DMD: variants seen among roughly 807,000 people sequenced by gnomAD.
DMD encodes the protein mutant dystrophin.
In DMD, 63 loss-of-function variants were observed where a neutral mutation model predicts 330.1. The observed-to-expected ratio is 0.19, with a 90% CI of 0.16 to 0.24. The LOEUF (loss-of-function observed/expected upper bound fraction) is 0.24. Among genes scored for constraint, DMD ranks in the 10% least tolerant of loss-of-function variants. The probability of loss-of-function intolerance (pLI) is 1.00; values close to 1 mark genes in which losing one functional copy is unlikely to be tolerated. For synonymous variants in DMD, 1,223 were observed against 959.8 expected (o/e 1.27, Z -5.07); for missense variants, 3,344 against 2,684.1 (o/e 1.25, Z -5.43).
chrX:32,037,842 C>T (rs1253603953), intron 44 of DMD, among the ~76,000 whole-genome samples: 1 of 111,751 alleles, frequency 8.9e-6, no homozygotes, highest in Non-Finnish European at 1.9e-5. Context: ...AGTGTATATT[C>T]ATATATGGAA....
chrX:32,670,211 C>A (rs1345998203), intron 9 of DMD, among the ~76,000 whole-genome samples: 1 of 111,738 alleles, frequency 8.9e-6, no homozygotes, highest in African/African-American at 3.2e-5. Flanking sequence ...TCTGTCTCCT[C>A]TCTAGTGCAT....
chrX:31,473,711 C>CAAAAA (rs55752684), intron 59 of DMD, among the ~76,000 whole-genome samples: 12 of 40,139 alleles, frequency 3.0e-4, no homozygotes, highest in East Asian at 8.8e-4. Context: ...GACTCTGTCT[C>CAAAAA]AAAAAAAAAA....
chrX:31,654,726 T>C (rs763062622), intron 54 of DMD, among the ~76,000 whole-genome samples: 2 of 110,227 alleles, frequency 1.8e-5, no homozygotes, highest in South Asian at 7.8e-4. Context: ...CATGGACACG[T>C]AGAGGGGAAC....
chrX:33,053,907 A>G lies in DMD; in HGVS notation c.32-33707T>C, dbSNP rs142220056. On this transcript the variant is annotated intron_variant, in intron 1 of 78. Transcript: ENST00000357033. ...ATGTAAAGAGATAGTGCAGAGGCCAATTAATGGAGAGATTGGTAGAGCATC... is the reference window on the plus strand; with the variant it reads ...ATGTAAAGAGATAGTGCAGAGGCCAGTTAATGGAGAGATTGGTAGAGCATC... 5.4e-3 allele frequency among the ~76,000 whole-genome samples: 598 copies of G among 111,747 alleles called. 7 individuals are homozygous for G. Among genetic ancestry groups the G allele is most frequent in the African/African-American group, 0.018 (560 of 30,709 alleles).
intron 2 of DMD, among the ~76,000 whole-genome samples, chrX:32,892,463 G>C (rs1034752302): frequency 1.8e-5 from 2 of 111,723 alleles, no homozygotes; most frequent in African/African-American, 6.5e-5. Flanking sequence ...GTGCGATCTC[G>C]GCTCACTGCA....
At chrX:32,823,440 G>T in intron 4 of DMD, 53 bp from the exon 5 acceptor site, 2 of 787,162 alleles carry the variant, frequency 2.5e-6, no homozygotes, top group South Asian at 4.2e-5. Flanking sequence ...ATGCCTAGTT[G>T]CAATAATAAT....
intron 1 of DMD, among the ~76,000 whole-genome samples, chrX:33,283,942 C>T (rs1011504081): frequency 9.1e-6 from 1 of 110,117 alleles, no homozygotes; most frequent in African/African-American, 3.3e-5. Context: ...GGCGTGAACC[C>T]GGGAGGCGGA....
chrX:32,841,769 A>C (rs1426810799), intron 4 of DMD, among the ~76,000 whole-genome samples: 2 of 112,271 alleles, frequency 1.8e-5, no homozygotes, highest in African/African-American at 6.5e-5. Flanking sequence ...ATATAGTATC[A>C]TAATGGCTTT....
At chrX:31,289,549 C>T (rs1466245329) in intron 62 of DMD, among the ~76,000 whole-genome samples, 5 of 110,651 alleles carry the variant, frequency 4.5e-5, no homozygotes, top group African/African-American at 1.6e-4. Flanking sequence ...TGAGCTGTCT[C>T]CTCTATGAAC....
At chrX:32,644,411 T>C in intron 10 of DMD, 98 bp from the exon 11 acceptor site, 1 of 919,751 alleles carries the variant, frequency 1.1e-6, no homozygotes, top group Non-Finnish European at 1.5e-6. Context: ...TGTGGCCCAT[T>C]TAGATTTATA....
At chrX:31,157,660 G>A (rs1034148024) in intron 74 of DMD, among the ~76,000 whole-genome samples, 3 of 111,267 alleles carry the variant, frequency 2.7e-5, no homozygotes, top group Admixed American at 1.9e-4. Context: ...TCCCTCATGC[G>A]TAGTTAGACT....
chrX:32,451,637 A>AG (rs34824751), intron 26 of DMD, among the ~76,000 whole-genome samples: 6 of 107,958 alleles, frequency 5.6e-5, no homozygotes, highest in East Asian at 6.0e-4. Flanking sequence ...CATAAACAGA[A>AG]GGGGGGGTCT....
chrX:33,045,687 T>C (rs1393704401), intron 1 of DMD, among the ~76,000 whole-genome samples: 2 of 110,938 alleles, frequency 1.8e-5, no homozygotes, highest in Non-Finnish European at 3.8e-5. Flanking sequence ...CACACACACC[T>C]TTTCAAATAA....
rs145765368 is a variant in DMD, at chrX:32,546,643, A to G, written c.1993-1309T>C. ...TTTTGTTAAAGACATATCTTTACCTATGTGAGGGACTGAAGGATTTCCATT... is the reference window on the plus strand; with the variant it reads ...TTTTGTTAAAGACATATCTTTACCTGTGTGAGGGACTGAAGGATTTCCATT... On this transcript the variant is annotated intron_variant, in intron 16 of 78. Coordinates refer to ENST00000357033, the MANE Select transcript of DMD (RefSeq NM_004006.3). 6.7e-3 allele frequency among the ~76,000 whole-genome samples: 753 copies of G among 111,818 alleles called. 7 individuals carry two copies. Among genetic ancestry groups the G allele is most frequent in the African/African-American group, 0.023 (725 of 30,866 alleles).
At chrX:32,779,403 CCT>C (rs1176109443) in intron 7 of DMD, among the ~76,000 whole-genome samples, 1 of 110,404 alleles carries the variant, frequency 9.1e-6, no homozygotes, top group African/African-American at 3.3e-5. Flanking sequence ...TCGCACATTC[CCT>C]TTTTCATGAG....
Position 32,833,016 on chromosome X carries a change from AT to A in DMD, c.265-9630del, listed in dbSNP as rs1187939325. On this transcript the variant is annotated intron_variant, in intron 4 of 78. Coordinates refer to ENST00000357033, the MANE Select transcript of DMD (RefSeq NM_004006.3). Reference sequence around the variant, plus strand: ...TTAATTCTGGGTACTCACTACAAAGATACTATCTCTACCTTCAATGATTAAG... The same window carrying A: ...TTAATTCTGGGTACTCACTACAAAGAACTATCTCTACCTTCAATGATTAAG... Among the ~76,000 whole-genome samples the A allele has an allele frequency of 2.7e-5, 3 of 111,781 alleles. No individual in the cohort carries two copies. In the Admixed American group the frequency reaches 2.9e-4, roughly 11 times the overall value.
intron 25 of DMD, among the ~76,000 whole-genome samples, chrX:32,461,919 A>G (rs73619094): frequency 0.066 from 7,279 of 110,696 alleles, 639 homozygotes; most frequent in African/African-American, 0.23. Flanking sequence ...ACCAATGAAC[A>G]CTTGTCAGTG....
Position 32,310,925 on chromosome X carries a change from C to A in DMD, c.5923-649G>T, listed in dbSNP as rs148663810. The stretch of plus-strand genomic sequence containing the variant: ...TATTTTAAAAAGAACTCCAGAATGT[C>A]CTGATATATAAGGGAGCACTAGCCT... On this transcript the variant is annotated intron_variant, in intron 41 of 78. Coordinates refer to ENST00000357033, the MANE Select transcript of DMD (RefSeq NM_004006.3). 3.4e-3 allele frequency among the ~76,000 whole-genome samples: 373 copies of A among 110,868 alleles called. 13 individuals are homozygous for A. The East Asian group carries it at 0.092, about 27-fold the overall frequency.
chrX:32,550,817 C>A (rs1048486170), intron 16 of DMD, among the ~76,000 whole-genome samples: 4 of 110,815 alleles, frequency 3.6e-5, no homozygotes, highest in Non-Finnish European at 7.6e-5. Context: ...ATTGACCCCA[C>A]AGAAATAGAG....
Sources: allele counts gnomAD v4.1 joint callset (sites outside exome capture counted in the v4.1 genomes callset), GRCh38; gene constraint gnomAD v4.1.1; transcripts MANE v1.5; gene names NCBI Gene and HGNC (gene_info 2026-07-23, HGNC 2026-07-21).